UGT2A1: variants seen among roughly 807,000 people sequenced by gnomAD.
UGT2A1 encodes UDP-glucuronosyltransferase 2A1.
UGT2A1 carries 61 observed loss-of-function variants against 45.4 expected under a neutral mutation model. The ratio of observed to expected loss-of-function variants is 1.34; its 90% CI spans 1.09 to 1.66. The LOEUF is 1.66. UGT2A1 is among the 40% of genes most tolerant of loss of function. The pLI, the probability that UGT2A1 is intolerant of heterozygous loss-of-function variation, is 0.00. For missense variants in UGT2A1, 649 were observed against 574.3 expected (o/e 1.13, Z -1.33); for synonymous variants, 229 against 196.2 (o/e 1.17, Z -1.40).
chr4:69,638,242 G>A (rs866137309), intron 2 of UGT2A1, among the ~76,000 whole-genome samples: 1 of 152,062 alleles, frequency 6.6e-6, no homozygotes, highest in African/African-American at 2.4e-5. Flanking sequence ...AAATATAAAG[G>A]GAGGCTCATA....
intron 3 of UGT2A1, among the ~76,000 whole-genome samples, chr4:69,611,139 G>T (rs1357484020): frequency 8.6e-5 from 13 of 151,464 alleles, no homozygotes; most frequent in Admixed American, 8.6e-4. Flanking sequence ...CTGTTTTTTG[G>T]GTTTTTGTTT....
Position 69,606,353 on chromosome 4 carries a change from G to C in UGT2A1, c.848-6959C>G, listed in dbSNP as rs1458836911. 1.5e-4 allele frequency among the ~76,000 whole-genome samples: 21 copies of C among 136,066 alleles called. 2 individuals are homozygous for C. The highest frequency in any genetic ancestry group is 1.5e-3 in the Admixed American group (21 of 13,842). 89.3% of individuals were successfully genotyped at this position (136,066 alleles called of 152,430 possible). ...GATTATCTCAATAGATGCAGAAAAGGCCTTGAAAAAATTCAACAACGCTTC... is the reference window on the plus strand; with the variant it reads ...GATTATCTCAATAGATGCAGAAAAGCCCTTGAAAAAATTCAACAACGCTTC... On this transcript the variant is annotated intron_variant, in intron 3 of 6. Coordinates refer to ENST00000286604, the MANE Select transcript of UGT2A1 (RefSeq NM_001252275.3).
At chr4:69,629,954 T>C (rs1181828874) in intron 3 of UGT2A1, among the ~76,000 whole-genome samples, 1 of 152,102 alleles carries the variant, frequency 6.6e-6, no homozygotes, top group African/African-American at 2.4e-5. Context: ...GAAATTTCTT[T>C]GTAAAATATT....
chr4:69,616,183 G>A (rs984023907), intron 3 of UGT2A1, among the ~76,000 whole-genome samples: 1 of 151,690 alleles, frequency 6.6e-6, no homozygotes, highest in Non-Finnish European at 1.5e-5. Context: ...AACGAATGAA[G>A]ATATAGAGAA....
rs1201570761 is a variant in UGT2A1, at chr4:69,606,420, T to G, written c.848-7026A>C. Among the ~76,000 whole-genome samples, 8 of 136,204 alleles carry G rather than the reference T, an allele frequency of 5.9e-5. 2 individuals carry two copies. Among genetic ancestry groups the G allele is most frequent in the Non-Finnish European group, 1.1e-4 (7 of 64,194 alleles). 89.4% of individuals were successfully genotyped at this position (136,204 alleles called of 152,430 possible). A position where few individuals can be genotyped will look rare whatever the true frequency, so the allele number is the denominator to read the frequency against. ...ATAAATTAGGTATTGATGGGATGTA[T>G]CTCAAAATAATAAGAGCTATCTATG... On this transcript the variant is annotated intron_variant, in intron 3 of 6. Coordinates refer to ENST00000286604, the MANE Select transcript of UGT2A1 (RefSeq NM_001252275.3).
At chr4:69,621,273 A>G (rs1234613166) in intron 3 of UGT2A1, among the ~76,000 whole-genome samples, 1 of 152,056 alleles carries the variant, frequency 6.6e-6, no homozygotes, top group Non-Finnish European at 1.5e-5. Context: ...AATATCCAGT[A>G]TTTACAGGGA....
intron 3 of UGT2A1, among the ~76,000 whole-genome samples, chr4:69,609,767 C>G (rs1560476766): frequency 6.6e-5 from 10 of 152,084 alleles, no homozygotes; most frequent in Admixed American, 5.2e-4. Context: ...TCTTCTGGAA[C>G]AGGAGACACA....
rs538127691 is a variant in UGT2A1 at position 69,609,178 on chromosome 4, C to A, written c.848-9784G>T. 2.8e-5 allele frequency among the ~76,000 whole-genome samples: 4 copies of A among 145,306 alleles called. No individual in the cohort carries two copies. The South Asian group carries it at 8.7e-4, about 31-fold the overall frequency. ...AGATTTTTTTTTTTTTTTGACACAG[C>A]GTTTTTCTCTGTCTTCCAGGCTGGA... On this transcript the variant is annotated intron_variant, in intron 3 of 6. Coordinates refer to ENST00000286604, the MANE Select transcript of UGT2A1 (RefSeq NM_001252275.3).
chr4:69,636,092 G>T (rs1212536313), intron 2 of UGT2A1, among the ~76,000 whole-genome samples: 1 of 152,074 alleles, frequency 6.6e-6, no homozygotes, highest in Non-Finnish European at 1.5e-5. Context: ...TTTAACTGGT[G>T]CAATCAAATA....
intron 3 of UGT2A1, among the ~76,000 whole-genome samples, chr4:69,613,981 A>T (rs1720218232): frequency 2.0e-5 from 3 of 152,112 alleles, no homozygotes; most frequent in Admixed American, 2.0e-4. Flanking sequence ...AGCCAGAGCA[A>T]TTAGACGAGT....
intron 3 of UGT2A1, among the ~76,000 whole-genome samples, chr4:69,633,715 T>C (rs1017534853): frequency 3.9e-5 from 6 of 152,204 alleles, no homozygotes; most frequent in Admixed American, 1.3e-4. Context: ...TAATGTGTGA[T>C]TCAACTATAT....
At chr4:69,644,444 A>C (rs1185450899) in intron 2 of UGT2A1, among the ~76,000 whole-genome samples, 1 of 151,694 alleles carries the variant, frequency 6.6e-6, no homozygotes, top group Non-Finnish European at 1.5e-5. Flanking sequence ...CTCTTATATG[A>C]ACGGAGATGC....
intron 4 of UGT2A1, among the ~76,000 whole-genome samples, chr4:69,595,679 G>T (rs1372101118): frequency 6.6e-6 from 1 of 152,062 alleles, no homozygotes; most frequent in Non-Finnish European, 1.5e-5. Flanking sequence ...AAAAATTAAG[G>T]TTAATTGAAT....
At chr4:69,645,128 C>A (rs999608317) in intron 2 of UGT2A1, among the ~76,000 whole-genome samples, 2 of 151,658 alleles carry the variant, frequency 1.3e-5, no homozygotes, top group Non-Finnish European at 3.0e-5. Flanking sequence ...ACATTACAGT[C>A]TCTGCAGTCT....
chr4:69,598,150 C>T (rs926869608), intron 4 of UGT2A1, among the ~76,000 whole-genome samples: 2 of 152,002 alleles, frequency 1.3e-5, no homozygotes, highest in South Asian at 2.1e-4. Context: ...CTAGAGCTTG[C>T]CTGCAGCCAT....
intron 2 of UGT2A1, chr4:69,639,414 G>A: frequency 6.2e-7 from 1 of 1,613,302 alleles, no homozygotes; most frequent in East Asian, 2.2e-5. Flanking sequence ...ATTCACAGGA[G>A]AATCGGGATT....
intron 3 of UGT2A1, among the ~76,000 whole-genome samples, chr4:69,624,485 G>C (rs1273653271): frequency 1.3e-5 from 2 of 151,098 alleles, no homozygotes; most frequent in African/African-American, 4.8e-5. Flanking sequence ...TGTTTGAGTT[G>C]GGATTTATCA....
rs770308475 is a variant in UGT2A1 at position 69,647,049 on chromosome 4, T to C, written c.596A>G (p.Glu199Gly). The C allele has an allele frequency of 6.2e-7, 1 of 1,612,924 alleles. No homozygotes were observed. Among genetic ancestry groups the C allele is most frequent in the Non-Finnish European group, 8.5e-7 (1 of 1,179,292 alleles). ...PPSYVPAVLS[E>G]LTDQMSFTDR... is the part of the protein sequence containing the mutation. Reference sequence around the variant, plus strand: ...AGTGAAAGACATTTGGTCGGTGAGTTCTGATAAAACAGCAGGAACATAGGA... The same window carrying C: ...AGTGAAAGACATTTGGTCGGTGAGTCCTGATAAAACAGCAGGAACATAGGA... The change falls in exon 2 of 7, where the codon GAA becomes GGA. Residue 199 changes from glutamate to glycine, a missense_variant. By Grantham distance (98) the Glu-to-Gly change is moderately conservative (BLOSUM62 -2). Transcript: ENST00000286604.
At chr4:69,596,340 A>T in intron 4 of UGT2A1, 1 of 1,606,218 alleles carries the variant, frequency 6.2e-7, no homozygotes, top group South Asian at 1.1e-5. Flanking sequence ...AAAACACCAC[A>T]ACACCATTTT....
Sources: gnomAD v4.1 joint callset for allele counts (sites outside exome capture counted in the v4.1 genomes callset) on GRCh38, gnomAD v4.1.1 for gene constraint, MANE v1.5 for transcripts, NCBI Gene and HGNC (gene_info 2026-07-23, HGNC 2026-07-21) for gene names.